Variants in MMP16 observed in about 807,000 individuals in gnomAD.
MMP16 encodes matrix metallopeptidase 16.
A neutral mutation model predicts 67.8 loss-of-function variants in MMP16; 12 were observed. The ratio of observed to expected loss-of-function variants is 0.18; its 90% CI spans 0.11 to 0.29. The LOEUF (loss-of-function observed/expected upper bound fraction) is 0.29, where lower values mean the gene tolerates loss of function less well. MMP16 is among the 10% of genes least tolerant of loss of function. MMP16 has a pLI of 1.00. For missense variants in MMP16, 475 were observed against 765.7 expected (o/e 0.62, Z 4.48); for synonymous variants, 249 against 255.9 (o/e 0.97, Z 0.26).
At chr8:88,043,936 G>T (rs1478595040) in intron 9 of MMP16, among the ~76,000 whole-genome samples, 1 of 152,176 alleles carries the variant, frequency 6.6e-6, no homozygotes, top group Non-Finnish European at 1.5e-5. Context: ...CAAAATAGGT[G>T]AATGTACTTC....
chr8:88,194,636 G>C (rs1809222868), intron 2 of MMP16, among the ~76,000 whole-genome samples: 1 of 151,920 alleles, frequency 6.6e-6, no homozygotes. Context: ...TAGTTCAAGT[G>C]ACAATGAGAA....
intron 1 of MMP16, among the ~76,000 whole-genome samples, chr8:88,239,942 T>C (rs1810008832): frequency 6.6e-6 from 1 of 152,212 alleles, no homozygotes; most frequent in Non-Finnish European, 1.5e-5. Context: ...TCACTTATCT[T>C]ACAAAGTTAA....
intron 1 of MMP16, among the ~76,000 whole-genome samples, chr8:88,280,373 AT>A (rs779004620): frequency 6.6e-6 from 1 of 152,126 alleles, no homozygotes; most frequent in Non-Finnish European, 1.5e-5. Flanking sequence ...AAAAGGAAAG[AT>A]TTTTTCTGTA....
At chr8:88,156,529 A>G (rs1289714327) in intron 4 of MMP16, among the ~76,000 whole-genome samples, 2 of 152,136 alleles carry the variant, frequency 1.3e-5, no homozygotes, top group Non-Finnish European at 2.9e-5. Context: ...TGTTGTTAAT[A>G]GCTAGTGTTG....
rs543609851 is a variant in MMP16 at position 88,132,128 on chromosome 8, T to TA, written c.710-13268dup. 2.0e-5 allele frequency among the ~76,000 whole-genome samples: 3 copies of TA among 151,956 alleles called. No individual in the cohort carries two copies. In the East Asian group the frequency reaches 5.8e-4, roughly 30 times the overall value. On this transcript the variant is annotated intron_variant, in intron 4 of 9. Coordinates refer to ENST00000286614, the MANE Select transcript of MMP16 (RefSeq NM_005941.5). ...AAAATCTATTTTAGCTGTGGAGAAA[T>TA]AGAGATTTTTTAAAATATGCCATTA...
chr8:88,149,306 G>A (rs980180454), intron 4 of MMP16, among the ~76,000 whole-genome samples: 2 of 152,218 alleles, frequency 1.3e-5, no homozygotes, highest in African/African-American at 2.4e-5. Context: ...CATTGCCCAG[G>A]CTTGCTTAGG....
chr8:88,096,359 A>AT (rs1809026594), intron 6 of MMP16, among the ~76,000 whole-genome samples: 4 of 151,916 alleles, frequency 2.6e-5, no homozygotes, highest in Admixed American at 2.6e-4. Context: ...TTAATAACTA[A>AT]TTTTTTAAAA....
intron 1 of MMP16, among the ~76,000 whole-genome samples, chr8:88,324,695 T>C (rs1346913768): frequency 6.6e-6 from 1 of 152,116 alleles, no homozygotes; most frequent in Non-Finnish European, 1.5e-5. Context: ...GAACACAATG[T>C]AAGTGCCTCT....
intron 4 of MMP16, among the ~76,000 whole-genome samples, chr8:88,153,248 C>A (rs1179335933): frequency 6.6e-6 from 1 of 152,012 alleles, no homozygotes. Context: ...ATTCCATGCT[C>A]ATGGGTAGGA....
intron 1 of MMP16, among the ~76,000 whole-genome samples, chr8:88,276,529 T>G (rs892703612): frequency 2.0e-5 from 3 of 152,124 alleles, no homozygotes; most frequent in South Asian, 4.1e-4. Context: ...AGAACTACCT[T>G]AAATAACTGT....
intron 1 of MMP16, among the ~76,000 whole-genome samples, chr8:88,281,273 T>C (rs868234389): frequency 6.6e-6 from 1 of 152,228 alleles, no homozygotes; most frequent in Non-Finnish European, 1.5e-5. Context: ...CTTAAATTCA[T>C]GTAGAGTCAA....
intron 1 of MMP16, among the ~76,000 whole-genome samples, chr8:88,265,382 A>C (rs913847175): frequency 6.6e-6 from 1 of 152,078 alleles, no homozygotes; most frequent in Non-Finnish European, 1.5e-5. Flanking sequence ...ATACTATGAA[A>C]GCTAAAAGCT....
Position 88,084,881 on chromosome 8 carries a change from G to A in MMP16, c.1084-10138C>T, listed in dbSNP as rs919468734. Among the ~76,000 whole-genome samples, 29 of 151,886 alleles carry A rather than the reference G, an allele frequency of 1.9e-4. 1 individual carries two copies. Among genetic ancestry groups the A allele is most frequent in the Non-Finnish European group, 7.4e-5 (5 of 67,878 alleles). On this transcript the variant is annotated intron_variant, in intron 6 of 9. Coordinates refer to ENST00000286614, the MANE Select transcript of MMP16 (RefSeq NM_005941.5). ...ATACTATTCTAACTAGTGAATGTAA[G>A]TTTATTAAACCTCCATTGACTAGCC...
Position 88,034,184 on chromosome 8 carries a change from T to C in MMP16, c.*7277A>G, listed in dbSNP as rs1283722441. 6.7e-6 allele frequency: 1 copy of C among 149,818 alleles called. No homozygotes were observed. The highest frequency in any genetic ancestry group is 6.7e-5 in the Admixed American group (1 of 14,892). 9.3% of individuals were successfully genotyped at this position (149,818 alleles called of 1,614,324 possible). A position where few individuals can be genotyped will look rare whatever the true frequency, so the allele number is the denominator to read the frequency against. On this transcript the variant is annotated 3_prime_UTR_variant, in exon 10 of 10. Coordinates refer to ENST00000286614, the MANE Select transcript of MMP16 (RefSeq NM_005941.5). ...CATTTCCTGGGTACCATCTCTGATG[T>C]ACAATGCTGCTCAATTCTGGTTTTC...
chr8:88,201,746 C>T (rs954469213), intron 1 of MMP16, among the ~76,000 whole-genome samples: 1 of 152,022 alleles, frequency 6.6e-6, no homozygotes, highest in Non-Finnish European at 1.5e-5. Flanking sequence ...GACTTATAAA[C>T]GCACTGGCTA....
At chr8:88,110,018 T>C (rs1223046693) in intron 6 of MMP16, among the ~76,000 whole-genome samples, 1 of 151,334 alleles carries the variant, frequency 6.6e-6, no homozygotes, top group Non-Finnish European at 1.5e-5. Flanking sequence ...ATATTTTGTA[T>C]ATGCCTTATT....
At chr8:88,044,489 T>C (rs1808174594) in intron 9 of MMP16, among the ~76,000 whole-genome samples, 1 of 152,216 alleles carries the variant, frequency 6.6e-6, no homozygotes, top group African/African-American at 2.4e-5. Flanking sequence ...GTTGAATAAA[T>C]ATTTAGGTAT....
chr8:88,070,951 C>T (rs1808543055), intron 7 of MMP16, among the ~76,000 whole-genome samples: 1 of 152,062 alleles, frequency 6.6e-6, no homozygotes, highest in Non-Finnish European at 1.5e-5. Context: ...TAATATATTA[C>T]ATTATATTCT....
chr8:88,052,113 T>G (rs970958148), intron 8 of MMP16, among the ~76,000 whole-genome samples: 2 of 152,202 alleles, frequency 1.3e-5, no homozygotes, highest in African/African-American at 4.8e-5. Context: ...TCAATAACTC[T>G]GAGATCTGTG....
Sources: gnomAD v4.1 joint callset for allele counts (sites outside exome capture counted in the v4.1 genomes callset) on GRCh38, gnomAD v4.1.1 for gene constraint, MANE v1.5 for transcripts, NCBI Gene and HGNC (gene_info 2026-07-23, HGNC 2026-07-21) for gene names.